The following PARD3B variants were observed in gnomAD, a reference collection of about 807,000 sequenced individuals.
PARD3B encodes par-3 family cell polarity regulator beta.
Under a neutral mutation model 130.2 loss-of-function variants are expected in PARD3B, and 103 were observed. That is an observed-to-expected ratio of 0.79 (90% CI 0.67 to 0.93). The LOEUF (loss-of-function observed/expected upper bound fraction) is 0.93, where lower values mean the gene tolerates loss of function less well. PARD3B is among the 40% of genes least tolerant of loss of function. The pLI is 0.00. For missense variants in PARD3B, 1,609 were observed against 1,499.2 expected (o/e 1.07, Z -1.21); for synonymous variants, 583 against 553.2 (o/e 1.05, Z -0.76).
chr2:205,578,372 T>TC lies in PARD3B; in HGVS notation c.3260+24976dup, dbSNP rs574414013. On this transcript the variant is annotated intron_variant, in intron 22 of 22. Transcript: ENST00000406610. ...GACCATGCACATTTAAAGAACAAGA[T>TC]CCCCCCCAAAAAAGAAAGACCGTTC... Among the ~76,000 whole-genome samples the TC allele has an allele frequency of 1.6e-4, 24 of 151,656 alleles. No homozygotes were observed. The East Asian group carries it at 3.3e-3, about 21-fold the overall frequency.
At chr2:204,992,469 T>C (rs1426328040) in intron 3 of PARD3B, among the ~76,000 whole-genome samples, 4 of 144,010 alleles carry the variant, frequency 2.8e-5, no homozygotes, top group Non-Finnish European at 6.1e-5. Flanking sequence ...CATGCTGTTT[T>C]GGTTACTGTA....
In PARD3B at chr2:204,556,060, C is replaced by T. The variant is rs752349722; in HGVS notation, c.120+9941C>T. Reference sequence around the variant, plus strand: ...TTTGTCTCTTTTGTTCATTTCTGAACCCTTAGATTCTAGAAGAGCACCAGG... The same window carrying T: ...TTTGTCTCTTTTGTTCATTTCTGAATCCTTAGATTCTAGAAGAGCACCAGG... On this transcript the variant is annotated intron_variant, in intron 1 of 22. Transcript: ENST00000406610. 7.9e-5 allele frequency among the ~76,000 whole-genome samples: 12 copies of T among 152,120 alleles called. No individual in the cohort carries two copies. The South Asian group carries it at 1.5e-3, about 18-fold the overall frequency.
Position 205,431,186 on chromosome 2 carries a change from C to T in PARD3B, c.2742-9184C>T, listed in dbSNP as rs993857902. Among the ~76,000 whole-genome samples the T allele has an allele frequency of 4.7e-4, 72 of 152,242 alleles. 5 individuals carry two copies. Among genetic ancestry groups the T allele is most frequent in the Admixed American group, 6.5e-5 (1 of 15,290 alleles). The stretch of plus-strand genomic sequence containing the variant: ...CCACCTTCCAGGTTCAAGCAATTCT[C>T]GTGCCTCAGCCTCCCAAGTAGCTGG... On this transcript the variant is annotated intron_variant, in intron 19 of 22. Transcript: ENST00000406610.
At chr2:204,797,719 T>G (rs1387573203) in intron 2 of PARD3B, among the ~76,000 whole-genome samples, 2 of 152,218 alleles carry the variant, frequency 1.3e-5, no homozygotes, top group Admixed American at 1.3e-4. Flanking sequence ...TTTCTGAATT[T>G]AAATTAAAAT....
Position 205,534,882 on chromosome 2 carries a change from A to G in PARD3B, c.3181-18442A>G, listed in dbSNP as rs774789311. ...ACGATTGGCATTGGTCTAGCTTGCT[A>G]TGTTTTTCTCATGGCCTAGCTCTAG... On this transcript the variant is annotated intron_variant, in intron 21 of 22. Coordinates refer to ENST00000406610, the MANE Select transcript of PARD3B (RefSeq NM_001302769.2). 2.0e-5 allele frequency among the ~76,000 whole-genome samples: 3 copies of G among 152,152 alleles called. No homozygotes were observed. The South Asian group carries it at 6.2e-4, about 31-fold the overall frequency.
chr2:205,505,155 C>A (rs1282641701), intron 21 of PARD3B, among the ~76,000 whole-genome samples: 3 of 151,922 alleles, frequency 2.0e-5, no homozygotes, highest in African/African-American at 7.3e-5. Context: ...AAACCAAACA[C>A]CGCATGTTCT....
Position 204,749,599 on chromosome 2 carries a change from A to T in PARD3B, c.222+63317A>T, listed in dbSNP as rs566158759. Among the ~76,000 whole-genome samples, 4 of 152,230 alleles carry T rather than the reference A, an allele frequency of 2.6e-5. No homozygotes were observed. In the South Asian group the frequency reaches 8.3e-4, roughly 32 times the overall value. On this transcript the variant is annotated intron_variant, in intron 2 of 22. Transcript: ENST00000406610. Reference sequence around the variant, plus strand: ...ATTCTAAAAATAAAGTCATTGAAAAACTTGTTGACAACAAAAAAAAGATTA... The same window carrying T: ...ATTCTAAAAATAAAGTCATTGAAAATCTTGTTGACAACAAAAAAAAGATTA...
At chr2:205,338,958 A>C (rs939288280) in intron 18 of PARD3B, among the ~76,000 whole-genome samples, 1 of 152,186 alleles carries the variant, frequency 6.6e-6, no homozygotes, top group African/African-American at 2.4e-5. Context: ...AAGGGGGATA[A>C]AATTTAACTA....
At chr2:205,044,468 T>TTC (rs1698624459) in intron 3 of PARD3B, among the ~76,000 whole-genome samples, 1 of 148,952 alleles carries the variant, frequency 6.7e-6, no homozygotes, top group Admixed American at 6.7e-5. Flanking sequence ...CCAGCACCTG[T>TTC]TGTTTCCTGA....
Position 204,678,862 on chromosome 2 carries a change from G to A in PARD3B, c.121-7319G>A, listed in dbSNP as rs561233284. 3.9e-5 allele frequency among the ~76,000 whole-genome samples: 6 copies of A among 152,120 alleles called. No individual in the cohort carries two copies. Among genetic ancestry groups the A allele is most frequent in the Non-Finnish European group, 7.3e-5 (5 of 68,038 alleles). On this transcript the variant is annotated intron_variant, in intron 1 of 22. Coordinates refer to ENST00000406610, the MANE Select transcript of PARD3B (RefSeq NM_001302769.2). The surrounding 1 kb of genome is among the most constrained non-coding windows in gnomAD (Gnocchi z 4.2). ...CCAGGGAGCTGCCCTCTTCTATCCA[G>A]TATTTCCCTGCCTCCTGTCGGTATC... is the stretch of plus-strand genomic sequence containing the variant.
rs1219230692 is a variant in PARD3B at position 205,241,802 on chromosome 2, A to G, written c.2141-3976A>G. Reference sequence around the variant, plus strand: ...AAATGACACACCTGTCACATTTCATATCACTACCATTCCAATCACTGTGCT... The same window carrying G: ...AAATGACACACCTGTCACATTTCATGTCACTACCATTCCAATCACTGTGCT... On this transcript the variant is annotated intron_variant, in intron 15 of 22. Coordinates refer to ENST00000406610, the MANE Select transcript of PARD3B (RefSeq NM_001302769.2). The surrounding 1 kb of genome is among the most constrained non-coding windows in gnomAD (Gnocchi z 4.2). Among the ~76,000 whole-genome samples the G allele has an allele frequency of 6.6e-6, 1 of 152,174 alleles. No individual in the cohort carries two copies. Among genetic ancestry groups the G allele is most frequent in the Non-Finnish European group, 1.5e-5 (1 of 68,004 alleles).
chr2:205,508,341 G>A (rs2050454470), intron 21 of PARD3B, among the ~76,000 whole-genome samples: 1 of 152,178 alleles, frequency 6.6e-6, no homozygotes, highest in Admixed American at 6.5e-5. Flanking sequence ...GGGAGGCCGA[G>A]ATGAGAGGAT....
At position 204,821,856 on chromosome 2, in the gene PARD3B, A is replaced by G. The variant is rs761953573; in HGVS notation, c.222+135574A>G. 2.8e-4 allele frequency among the ~76,000 whole-genome samples: 42 copies of G among 152,096 alleles called. 1 individual carries two copies. Among genetic ancestry groups the G allele is most frequent in the Non-Finnish European group, 5.6e-4 (38 of 68,020 alleles). On this transcript the variant is annotated intron_variant, in intron 2 of 22. Transcript: ENST00000406610. ...GGCCACCCCAGCCATGTGGAACTGTAAGTCCATTAAACCTCTTTTTCTTCC... is the reference window on the plus strand; with the variant it reads ...GGCCACCCCAGCCATGTGGAACTGTGAGTCCATTAAACCTCTTTTTCTTCC...
At chr2:205,270,101 A>G (rs1031224660) in intron 16 of PARD3B, among the ~76,000 whole-genome samples, 3 of 152,186 alleles carry the variant, frequency 2.0e-5, no homozygotes, top group African/African-American at 7.2e-5. Flanking sequence ...AAAACATCTC[A>G]TGTACCCCAC....
chr2:205,170,496 T>G (rs1194808743), intron 11 of PARD3B, among the ~76,000 whole-genome samples: 4 of 152,198 alleles, frequency 2.6e-5, no homozygotes, highest in Non-Finnish European at 4.4e-5. Flanking sequence ...CATCTCCATT[T>G]CTTCCCCGAG....
chr2:204,613,068 G>T (rs2033987590), intron 1 of PARD3B, among the ~76,000 whole-genome samples: 1 of 151,360 alleles, frequency 6.6e-6, no homozygotes, highest in African/African-American at 2.4e-5. Context: ...CTCTTTCCCT[G>T]GTTTTATAAT....
chr2:205,327,830 T>C (rs377319405), intron 18 of PARD3B, among the ~76,000 whole-genome samples: 1 of 152,348 alleles, frequency 6.6e-6, no homozygotes, highest in South Asian at 2.1e-4. Context: ...CTTTTTCTTA[T>C]TACTATCAAG....
At chr2:204,640,246 A>T (rs1467422449) in intron 1 of PARD3B, among the ~76,000 whole-genome samples, 4 of 152,052 alleles carry the variant, frequency 2.6e-5, no homozygotes, top group Non-Finnish European at 5.9e-5. Context: ...ACAGAGTGAG[A>T]CCCTGTCTCA....
chr2:205,067,963 A>T (rs1700492500), intron 4 of PARD3B, among the ~76,000 whole-genome samples: 1 of 152,158 alleles, frequency 6.6e-6, no homozygotes, highest in Non-Finnish European at 1.5e-5. Flanking sequence ...ATAGTTCTGT[A>T]CTTTTATTTC....
Sources: gnomAD v4.1 joint callset for allele counts (sites outside exome capture counted in the v4.1 genomes callset) on GRCh38, gnomAD v4.1.1 for gene constraint, Gnocchi (gnomAD v3.1) non-coding constraint, MANE v1.5 for transcripts, NCBI Gene and HGNC (gene_info 2026-07-23, HGNC 2026-07-21) for gene names.